The following SYCP2 variants were observed in gnomAD, a reference collection of about 807,000 sequenced individuals.
The protein encoded by SYCP2 is synaptonemal complex protein 2, also known as synaptonemal complex lateral element protein.
A neutral mutation model predicts 211.3 loss-of-function variants in SYCP2; 55 were observed. The ratio of observed to expected loss-of-function variants is 0.26; its 90% CI spans 0.21 to 0.33. SYCP2 has a LOEUF of 0.33. Ranked by LOEUF, SYCP2 falls within the 10% of genes least tolerant of loss-of-function variation. SYCP2 has a pLI of 1.00. For synonymous variants in SYCP2, 570 were observed against 555.2 expected (o/e 1.03, Z -0.37); for missense variants, 1,731 against 1,752.0 (o/e 0.99, Z 0.21).
chr20:59,878,229 T>C (rs1190438331), intron 31 of SYCP2, among the ~76,000 whole-genome samples, 184 bp from the exon 32 acceptor site: 1 of 152,168 alleles, frequency 6.6e-6, no homozygotes, highest in East Asian at 1.9e-4. Flanking sequence ...CCAGCCCTCC[T>C]GACACCGTAA....
intron 31 of SYCP2, among the ~76,000 whole-genome samples, chr20:59,879,281 A>G (rs2059619491): frequency 6.6e-6 from 1 of 150,548 alleles, no homozygotes; most frequent in South Asian, 2.1e-4. Context: ...ATACTATGCT[A>G]TTCCATACTT....
At chr20:59,924,383 T>G (rs1329578944) in intron 2 of SYCP2, among the ~76,000 whole-genome samples, 1 of 151,948 alleles carries the variant, frequency 6.6e-6, no homozygotes, top group South Asian at 2.1e-4. Flanking sequence ...TTAAAGAAAT[T>G]TGTGTGTTTT....
intron 17 of SYCP2, 152 bp from the exon 18 acceptor site, chr20:59,900,436 C>A: frequency 1.3e-6 from 1 of 782,392 alleles, no homozygotes; most frequent in Non-Finnish European, 1.9e-6. Flanking sequence ...CAAAGTGATC[C>A]AATAAAAAGT....
chr20:59,885,664 G>A (rs546372023), intron 26 of SYCP2, among the ~76,000 whole-genome samples: 16 of 151,642 alleles, frequency 1.1e-4, no homozygotes, highest in Admixed American at 4.6e-4. Flanking sequence ...ACGCGCGCAC[G>A]CGCGATAAGG....
At chr20:59,883,382 C>T (rs1169024796) in intron 26 of SYCP2, among the ~76,000 whole-genome samples, 2 of 151,842 alleles carry the variant, frequency 1.3e-5, no homozygotes, top group Admixed American at 6.6e-5. Context: ...ACAAAGGTAT[C>T]TACATTCCTA....
At chr20:59,918,792 C>G (rs1158999555) in intron 7 of SYCP2, among the ~76,000 whole-genome samples, 1 of 152,092 alleles carries the variant, frequency 6.6e-6, no homozygotes, top group Non-Finnish European at 1.5e-5. Context: ...AGAACACTAA[C>G]TCTGAACCCT....
In SYCP2 at chr20:59,881,912, G is replaced by C. The variant is rs746722649; in HGVS notation, c.2658+33C>G. The C allele has an allele frequency of 3.2e-6, 5 of 1,540,030 alleles. No individual in the cohort carries two copies. In the Admixed American group the frequency reaches 8.4e-5, roughly 26 times the overall value. On this transcript the variant is annotated intron_variant, in intron 28 of 44. Transcript: ENST00000357552. ...ATGGTAAATGCAATGTAACTTCTGA[G>C]TAAATACAAAGTATCTTGGTATTTT...
chr20:59,884,078 C>T (rs1184119006), intron 26 of SYCP2, among the ~76,000 whole-genome samples: 1 of 151,848 alleles, frequency 6.6e-6, no homozygotes, highest in Non-Finnish European at 1.5e-5. Context: ...TAATAAAATC[C>T]TTTAACCTTA....
At chr20:59,920,266 ATTT>A in intron 5 of SYCP2, 90 bp downstream of exon 5, 1 of 1,190,172 alleles carries the variant, frequency 8.4e-7, no homozygotes, top group Non-Finnish European at 1.2e-6. Flanking sequence ...AAGTTCCTAA[ATTT>A]ATTTTCAACA....
intron 16 of SYCP2, among the ~76,000 whole-genome samples, chr20:59,901,067 A>G (rs1268557946): frequency 6.6e-6 from 1 of 152,070 alleles, no homozygotes; most frequent in Non-Finnish European, 1.5e-5. Context: ...ATATTATGCA[A>G]CATAAATCTT....
chr20:59,928,847 T>C (rs541092204), intron 2 of SYCP2, among the ~76,000 whole-genome samples: 50 of 152,254 alleles, frequency 3.3e-4, no homozygotes, highest in South Asian at 1.2e-3. Context: ...AGTAAATGTT[T>C]ATAAACTATT....
intron 8 of SYCP2, 101 bp downstream of exon 8, chr20:59,916,385 A>G: frequency 1.5e-6 from 1 of 671,644 alleles, no homozygotes. Flanking sequence ...ACTCCAAGCT[A>G]AGTAATTTTG....
chr20:59,883,491 TATG>T (rs1225919738), intron 26 of SYCP2, among the ~76,000 whole-genome samples: 9 of 152,074 alleles, frequency 5.9e-5, no homozygotes, highest in Admixed American at 5.9e-4. Flanking sequence ...CGTGTATATA[TATG>T]AAGAAATACT....
intron 31 of SYCP2, among the ~76,000 whole-genome samples, chr20:59,879,868 C>T (rs1013583893): frequency 2.8e-4 from 39 of 141,802 alleles, no homozygotes; most frequent in Non-Finnish European, 5.4e-4. Flanking sequence ...TATATACACA[C>T]ACACACACAC....
At position 59,865,879 on chromosome 20, in the gene SYCP2, T is replaced by C; in HGVS notation, c.4321-14A>G. 8.4e-7 allele frequency: 1 copy of C among 1,188,418 alleles called. No individual in the cohort carries two copies. The highest frequency in any genetic ancestry group is 2.0e-5 in the South Asian group (1 of 51,038). The allele number at this position is 1,188,418 out of a possible 1,614,324, so 73.6% of individuals were successfully genotyped here. On this transcript the variant is annotated splice_polypyrimidine_tract_variant and intron_variant, in intron 41 of 44. Transcript: ENST00000357552. ...TTCCCAAAAGTCCTAAATTAATTAA[T>C]AAAATTTTATTTAGTCCTAAATATT... is the stretch of plus-strand genomic sequence containing the variant.
intron 17 of SYCP2, 47 bp from the exon 18 acceptor site, chr20:59,900,331 G>A (rs1229534791): frequency 3.4e-6 from 5 of 1,481,280 alleles, no homozygotes; most frequent in East Asian, 2.3e-5. Context: ...GCAAACCACA[G>A]AAAGTAATCA....
rs1238984766 is a variant in SYCP2 at position 59,864,029 on chromosome 20, ACT to A, written c.*280_*281del. 5 of 206,498 alleles carry A rather than the reference ACT, an allele frequency of 2.4e-5. No homozygotes were observed. The highest frequency in any genetic ancestry group is 2.9e-5 in the Non-Finnish European group (3 of 104,036). The allele number at this position is 206,498 out of a possible 1,614,324, so 12.8% of individuals were successfully genotyped here. A position where few individuals can be genotyped will look rare whatever the true frequency, so the allele number is the denominator to read the frequency against. On this transcript the variant is annotated 3_prime_UTR_variant, in exon 45 of 45. Coordinates refer to ENST00000357552, the MANE Select transcript of SYCP2 (RefSeq NM_014258.4). ...CAATAAAATTTAATTTATTAAAGAAACTCATTTTATGAGTATAATTAACTCAA... is the reference window on the plus strand; with the variant it reads ...CAATAAAATTTAATTTATTAAAGAAACATTTTATGAGTATAATTAACTCAA...
Position 59,881,024 on chromosome 20 carries a change from CT to C in SYCP2, c.2715-2del. 6.7e-7 allele frequency: 1 copy of C among 1,481,486 alleles called. No homozygotes were observed. The allele number at this position is 1,481,486 out of a possible 1,614,324, so 91.8% of individuals were successfully genotyped here. On this transcript the variant is annotated splice_acceptor_variant, in intron 29 of 44. Coordinates refer to ENST00000357552, the MANE Select transcript of SYCP2 (RefSeq NM_014258.4). LOFTEE classifies it high-confidence loss of function. ...TTCATCATGATTCCTTGGACCTACC[CT>C]TAAACAAAAATATGTATTAATTAAA... is the stretch of plus-strand genomic sequence containing the variant.
chr20:59,923,687 G>A (rs1040990264), intron 2 of SYCP2, among the ~76,000 whole-genome samples: 2 of 151,160 alleles, frequency 1.3e-5, no homozygotes, highest in African/African-American at 4.9e-5. Flanking sequence ...AGTCAAGAGA[G>A]GGAGACTCTG....
Sources: allele counts gnomAD v4.1 joint callset (sites outside exome capture counted in the v4.1 genomes callset), GRCh38; gene constraint gnomAD v4.1.1; transcripts MANE v1.5; gene names NCBI Gene and HGNC (gene_info 2026-07-23, HGNC 2026-07-21).